AGAP1: variants seen among roughly 807,000 people sequenced by gnomAD.
AGAP1 encodes the protein ArfGAP with GTPase domain, ankyrin repeat and PH domain 1.
A neutral mutation model predicts 105.3 loss-of-function variants in AGAP1; 29 were observed. The ratio of observed to expected loss-of-function variants is 0.28; its 90% CI spans 0.21 to 0.38. The LOEUF is 0.38. AGAP1 is among the 10% of genes least tolerant of loss of function. The pLI, the probability that AGAP1 is intolerant of heterozygous loss-of-function variation, is 1.00. For missense variants in AGAP1, 998 were observed against 1,165.1 expected (o/e 0.86, Z 2.09); for synonymous variants, 509 against 485.9 (o/e 1.05, Z -0.63).
rs2058646094 is a variant in AGAP1, at chr2:236,076,765, C to T, written c.2114+27484C>T. The stretch of plus-strand genomic sequence containing the variant: ...AACAGACCACTTCCTAGAGAAATGC[C>T]TCCAGTGAGCCAGGGCTACATTTTG... On this transcript the variant is annotated intron_variant, in intron 16 of 17. Transcript: ENST00000304032. This position sits in a 1 kb window ranked among gnomAD's most constrained non-coding sequence, Gnocchi z 4.4. Among the ~76,000 whole-genome samples the T allele has an allele frequency of 6.6e-6, 1 of 152,066 alleles. No homozygotes were observed. The highest frequency in any genetic ancestry group is 1.5e-5 in the Non-Finnish European group (1 of 68,018).
At chr2:235,656,970 A>G (rs980318127) in intron 1 of AGAP1, among the ~76,000 whole-genome samples, 1 of 152,234 alleles carries the variant, frequency 6.6e-6, no homozygotes, top group Non-Finnish European at 1.5e-5. Context: ...TCAGCAAGAC[A>G]TGCATGATTT....
intron 6 of AGAP1, among the ~76,000 whole-genome samples, chr2:235,796,910 C>A (rs771683021): frequency 1.5e-4 from 23 of 152,180 alleles, no homozygotes; most frequent in Non-Finnish European, 3.2e-4. Flanking sequence ...GTTTTCTAAT[C>A]GTTGACTTCC....
rs1957106325 is a variant in AGAP1, at chr2:235,793,656, AAGG to A, written c.674-4098_674-4096del. On this transcript the variant is annotated intron_variant, in intron 6 of 17. Transcript: ENST00000304032. This position sits in a 1 kb window ranked among gnomAD's most constrained non-coding sequence, Gnocchi z 5.3. Reference sequence around the variant, plus strand: ...CCCTGCTCAGCCTTTGAGCAGCAAAAAGGAGGAAGGGGGAGGAGGAGGAGCTGT... The same window carrying A: ...CCCTGCTCAGCCTTTGAGCAGCAAAAAGGAAGGGGGAGGAGGAGGAGCTGT... Among the ~76,000 whole-genome samples, 1 of 152,076 alleles carries A rather than the reference AAGG, an allele frequency of 6.6e-6. No individual in the cohort carries two copies. The highest frequency in any genetic ancestry group is 6.5e-5 in the Admixed American group (1 of 15,272).
intron 3 of AGAP1, among the ~76,000 whole-genome samples, chr2:235,735,146 G>A (rs1952174667): frequency 6.6e-6 from 1 of 152,210 alleles, no homozygotes; most frequent in Non-Finnish European, 1.5e-5. Context: ...GGGAAAACAA[G>A]TGCTTTGTAG....
rs567140686 is a variant in AGAP1 at position 235,836,900 on chromosome 2, G to C, written c.1050+29569G>C. 7.2e-5 allele frequency among the ~76,000 whole-genome samples: 11 copies of C among 152,286 alleles called. No individual in the cohort carries two copies. The East Asian group carries it at 2.1e-3, about 29-fold the overall frequency. Reference sequence around the variant, plus strand: ...ATTTACATTCACAGTTAACTTTCTAGGTGATTCACAATGCAGGTGTAAAAC... The same window carrying C: ...ATTTACATTCACAGTTAACTTTCTACGTGATTCACAATGCAGGTGTAAAAC... On this transcript the variant is annotated intron_variant, in intron 9 of 17. Coordinates refer to ENST00000304032, the MANE Select transcript of AGAP1 (RefSeq NM_001037131.3).
At chr2:235,914,898 C>T (rs2051798107) in intron 11 of AGAP1, among the ~76,000 whole-genome samples, 1 of 152,148 alleles carries the variant, frequency 6.6e-6, no homozygotes. Context: ...AGGCAGCATG[C>T]CTAGGGAGAG....
chr2:235,921,057 A>T (rs981536105), intron 11 of AGAP1, among the ~76,000 whole-genome samples: 1 of 152,226 alleles, frequency 6.6e-6, no homozygotes, highest in African/African-American at 2.4e-5. Flanking sequence ...AGCAACATAT[A>T]TCATGAATCA....
At chr2:236,010,514 G>A (rs1422076211) in intron 13 of AGAP1, among the ~76,000 whole-genome samples, 1 of 152,158 alleles carries the variant, frequency 6.6e-6, no homozygotes, top group African/African-American at 2.4e-5. Context: ...CACTGTTTGT[G>A]CACCACATGA....
intron 1 of AGAP1, among the ~76,000 whole-genome samples, chr2:235,524,110 C>T (rs557702666): frequency 2.4e-4 from 36 of 152,320 alleles, no homozygotes; most frequent in African/African-American, 8.4e-4. Flanking sequence ...TCACTGTAGA[C>T]GCTCCATCGG....
rs1226956062 is a variant in AGAP1, at chr2:235,550,537, C to A, written c.163+55688C>A. ...GCCAGTTCTTGGGCCCCACCCCACA[C>A]CTGCGACTCCAGACTCAGAGTTGAT... On this transcript the variant is annotated intron_variant, in intron 1 of 17. Coordinates refer to ENST00000304032, the MANE Select transcript of AGAP1 (RefSeq NM_001037131.3). The surrounding 1 kb of genome is among the most constrained non-coding windows in gnomAD (Gnocchi z 4.6). 6.6e-6 allele frequency among the ~76,000 whole-genome samples: 1 copy of A among 152,200 alleles called. No homozygotes were observed. Among genetic ancestry groups the A allele is most frequent in the Non-Finnish European group, 1.5e-5 (1 of 68,032 alleles).
Position 235,887,462 on chromosome 2 carries a change from G to A in AGAP1, c.1155+4013G>A, listed in dbSNP as rs960783062. 2.0e-4 allele frequency among the ~76,000 whole-genome samples: 31 copies of A among 152,214 alleles called. No homozygotes were observed. Among genetic ancestry groups the A allele is most frequent in the African/African-American group, 7.2e-4 (30 of 41,452 alleles). On this transcript the variant is annotated intron_variant, in intron 10 of 17. Transcript: ENST00000304032. This position sits in a 1 kb window ranked among gnomAD's most constrained non-coding sequence, Gnocchi z 4.1. Reference sequence around the variant, plus strand: ...GACCTATATCAAGTCATTAAAAGTAGATGTTAACCTGTCAGTGGACCAGAA... The same window carrying A: ...GACCTATATCAAGTCATTAAAAGTAAATGTTAACCTGTCAGTGGACCAGAA...
chr2:235,661,882 G>GC (rs1947969425), intron 1 of AGAP1, among the ~76,000 whole-genome samples: 1 of 152,188 alleles, frequency 6.6e-6, no homozygotes, highest in Admixed American at 6.5e-5. Flanking sequence ...CCAGGAGGCA[G>GC]CTCTGAGTTG....
rs567806153 is a variant in AGAP1, at chr2:235,980,178, G to A, written c.1645+11555G>A. 2.7e-4 allele frequency among the ~76,000 whole-genome samples: 41 copies of A among 152,274 alleles called. 1 individual carries two copies. The highest frequency in any genetic ancestry group is 8.2e-4 in the African/African-American group (34 of 41,546). Reference sequence around the variant, plus strand: ...ACGCGTTTTTGATCACACACTGATTGGGCACAGTTTTAGCCCATCTTCTAG... The same window carrying A: ...ACGCGTTTTTGATCACACACTGATTAGGCACAGTTTTAGCCCATCTTCTAG... On this transcript the variant is annotated intron_variant, in intron 13 of 17. Coordinates refer to ENST00000304032, the MANE Select transcript of AGAP1 (RefSeq NM_001037131.3).
At chr2:236,006,253 C>T (rs544225705) in intron 13 of AGAP1, among the ~76,000 whole-genome samples, 181 of 152,274 alleles carry the variant, frequency 1.2e-3, no homozygotes, top group Non-Finnish European at 1.4e-3. Context: ...GAGCACTTTC[C>T]TTCCTTTCTG....
In AGAP1 at chr2:235,977,545, C is replaced by G. The variant is rs1048432639; in HGVS notation, c.1645+8922C>G. Among the ~76,000 whole-genome samples, 1 of 152,116 alleles carries G rather than the reference C, an allele frequency of 6.6e-6. No individual in the cohort carries two copies. Among genetic ancestry groups the G allele is most frequent in the Non-Finnish European group, 1.5e-5 (1 of 68,040 alleles). On this transcript the variant is annotated intron_variant, in intron 13 of 17. Coordinates refer to ENST00000304032, the MANE Select transcript of AGAP1 (RefSeq NM_001037131.3). The surrounding 1 kb of genome is among the most constrained non-coding windows in gnomAD (Gnocchi z 5.2). ...ATCTCATGCACGAGGGTGTTTTTCTCGGCCTCTGCAGCCCTCAGATGTTCC... is the reference window on the plus strand; with the variant it reads ...ATCTCATGCACGAGGGTGTTTTTCTGGGCCTCTGCAGCCCTCAGATGTTCC...
Position 235,979,807 on chromosome 2 carries a change from A to G in AGAP1, c.1645+11184A>G, listed in dbSNP as rs185414570. On this transcript the variant is annotated intron_variant, in intron 13 of 17. Coordinates refer to ENST00000304032, the MANE Select transcript of AGAP1 (RefSeq NM_001037131.3). The surrounding 1 kb of genome is among the most constrained non-coding windows in gnomAD (Gnocchi z 4.5). ...ACTGCACACAGTTTAATTCTATTTA[A>G]TTTTTTTAAGTGGAAAAAAGCAAAG... 1.3e-5 allele frequency among the ~76,000 whole-genome samples: 2 copies of G among 152,276 alleles called. No individual in the cohort carries two copies. The highest frequency in any genetic ancestry group is 1.3e-4 in the Admixed American group (2 of 15,296).
rs1410532874 is a variant in AGAP1 at position 235,843,879 on chromosome 2, C to T, written c.1050+36548C>T. 6.6e-6 allele frequency among the ~76,000 whole-genome samples: 1 copy of T among 152,218 alleles called. No homozygotes were observed. The highest frequency in any genetic ancestry group is 2.4e-5 in the African/African-American group (1 of 41,460). On this transcript the variant is annotated intron_variant, in intron 9 of 17. Transcript: ENST00000304032. The surrounding 1 kb of genome is among the most constrained non-coding windows in gnomAD (Gnocchi z 5.9). Reference sequence around the variant, plus strand: ...GGCACAGAATCTTCTTCCAGGCAGCCTCCTGGGCCGCCAGTGGTGTGGAGC... The same window carrying T: ...GGCACAGAATCTTCTTCCAGGCAGCTTCCTGGGCCGCCAGTGGTGTGGAGC...
In AGAP1 at chr2:235,930,707, C is replaced by T. The variant is rs1014852118; in HGVS notation, c.1325-58C>T. 39 of 1,555,432 alleles carry T rather than the reference C, an allele frequency of 2.5e-5. No homozygotes were observed. Among genetic ancestry groups the T allele is most frequent in the South Asian group, 1.4e-4 (12 of 83,080 alleles). On this transcript the variant is annotated intron_variant, in intron 11 of 17. Coordinates refer to ENST00000304032, the MANE Select transcript of AGAP1 (RefSeq NM_001037131.3). This position sits in a 1 kb window ranked among gnomAD's most constrained non-coding sequence, Gnocchi z 7.9. ...CGTGTGGGTCCCATAGACTAACTCG[C>T]GCTGGTTTCTGTGGTCTGCAGTCCG...
chr2:236,064,582 C>T (rs1404057924), intron 16 of AGAP1, among the ~76,000 whole-genome samples: 8 of 152,114 alleles, frequency 5.3e-5, no homozygotes, highest in Non-Finnish European at 1.2e-4. Context: ...GACAACAGAG[C>T]GGGACTCCGT....
Sources: gnomAD v4.1 joint callset for allele counts (sites outside exome capture counted in the v4.1 genomes callset) on GRCh38, gnomAD v4.1.1 for gene constraint, Gnocchi (gnomAD v3.1) non-coding constraint, MANE v1.5 for transcripts, NCBI Gene and HGNC (gene_info 2026-07-23, HGNC 2026-07-21) for gene names.